The following SLC8A1 variants were observed in gnomAD, a reference collection of about 807,000 sequenced individuals.
The protein encoded by SLC8A1 is sodium/calcium exchanger 1.
SLC8A1 carries 18 observed loss-of-function variants against 68.3 expected under a neutral mutation model. The observed-to-expected ratio is 0.26, with a 90% CI of 0.18 to 0.39. SLC8A1 has a LOEUF of 0.39. Among genes scored for constraint, SLC8A1 ranks in the 10% least tolerant of loss-of-function variants. The pLI is 1.00. For synonymous variants in SLC8A1, 475 were observed against 415.5 expected (o/e 1.14, Z -1.74); for missense variants, 985 against 1,156.7 (o/e 0.85, Z 2.15).
chr2:40,134,447 T>C (rs529736839), intron 7 of SLC8A1, among the ~76,000 whole-genome samples: 1 of 152,150 alleles, frequency 6.6e-6, no homozygotes, highest in African/African-American at 2.4e-5. Context: ...GAAGGGATCA[T>C]AGAAGAGAAA....
intron 2 of SLC8A1, among the ~76,000 whole-genome samples, chr2:40,355,338 A>C (rs994334750): frequency 6.6e-6 from 1 of 152,150 alleles, no homozygotes; most frequent in African/African-American, 2.4e-5. Flanking sequence ...ACTCATCTGT[A>C]AAGTGGGGTA....
chr2:40,262,834 T>C (rs1237499477), intron 2 of SLC8A1, among the ~76,000 whole-genome samples: 1 of 152,194 alleles, frequency 6.6e-6, no homozygotes, highest in East Asian at 1.9e-4. Flanking sequence ...TGCTAAAATT[T>C]GGATCATATT....
chr2:40,351,649 A>G (rs1671133521), intron 2 of SLC8A1, among the ~76,000 whole-genome samples: 1 of 152,182 alleles, frequency 6.6e-6, no homozygotes, highest in African/African-American at 2.4e-5. Context: ...CAGACCAAGA[A>G]CTCACAAACA....
At chr2:40,348,523 C>T (rs569587567) in intron 2 of SLC8A1, among the ~76,000 whole-genome samples, 50 of 152,262 alleles carry the variant, frequency 3.3e-4, no homozygotes, top group African/African-American at 8.7e-4. Context: ...GATAAATCTG[C>T]GCAAGAAACA....
intron 2 of SLC8A1, among the ~76,000 whole-genome samples, chr2:40,344,033 G>C (rs1039642211): frequency 6.6e-6 from 1 of 152,128 alleles, no homozygotes; most frequent in Non-Finnish European, 1.5e-5. Flanking sequence ...GTGTACGATG[G>C]CAATATAATG....
intron 2 of SLC8A1, among the ~76,000 whole-genome samples, chr2:40,414,559 T>C (rs6705173): frequency 0.16 from 23,975 of 152,190 alleles, 2,043 homozygotes; most frequent in Middle Eastern, 0.25. Context: ...TCTTCAATGT[T>C]CTTGCCTTGA....
intron 2 of SLC8A1, among the ~76,000 whole-genome samples, chr2:40,211,509 T>C (rs1574113655): frequency 1.3e-5 from 2 of 152,308 alleles, no homozygotes; most frequent in East Asian, 1.9e-4. Context: ...CTTGGAGGCA[T>C]GCTAAGTGGT....
chr2:40,212,530 G>T (rs1331229624), intron 2 of SLC8A1, among the ~76,000 whole-genome samples: 1 of 152,042 alleles, frequency 6.6e-6, no homozygotes, highest in Non-Finnish European at 1.5e-5. Context: ...CAACGTGTCT[G>T]TGTGGTCCTC....
At chr2:40,195,210 A>G (rs948451767) in intron 2 of SLC8A1, among the ~76,000 whole-genome samples, 3 of 152,116 alleles carry the variant, frequency 2.0e-5, no homozygotes, top group Non-Finnish European at 4.4e-5. Context: ...GGAATCTAGT[A>G]GTTTACTGCT....
chr2:40,495,791 G>A (rs1271710949), intron 1 of SLC8A1, among the ~76,000 whole-genome samples: 1 of 151,990 alleles, frequency 6.6e-6, no homozygotes, highest in Non-Finnish European at 1.5e-5. Context: ...TCAGGATTCT[G>A]AGTACTGTAG....
rs1338051657 is a variant in SLC8A1, at chr2:40,340,569, G to A, written c.1808+87904C>T. On this transcript the variant is annotated intron_variant, in intron 2 of 7. Coordinates refer to ENST00000406785, the Ensembl canonical transcript of SLC8A1. ...GAGTGAGACTCCTTCTTAAAAAGAAGAAGAAGGGAGAAAGGGAGTTGGGGG... is the reference window on the plus strand; with the variant it reads ...GAGTGAGACTCCTTCTTAAAAAGAAAAAGAAGGGAGAAAGGGAGTTGGGGG... Among the ~76,000 whole-genome samples, 4 of 152,240 alleles carry A rather than the reference G, an allele frequency of 2.6e-5. No individual in the cohort carries two copies. The East Asian group carries it at 7.7e-4, about 29-fold the overall frequency.
exon 2 of SLC8A1, chr2:40,430,077 G>A: frequency 6.2e-7 from 1 of 1,613,868 alleles, no homozygotes; most frequent in Non-Finnish European, 8.5e-7. Context: ...CAAAAGAAGG[G>A]TCTTGGGGTT....
rs1289798144 is a variant in SLC8A1, at chr2:40,261,802, T to A, written c.1809-83947A>T. Among the ~76,000 whole-genome samples the A allele has an allele frequency of 5.3e-5, 8 of 152,310 alleles. No individual in the cohort carries two copies. The East Asian group carries it at 1.5e-3, about 29-fold the overall frequency. ...TGAACATTTTCCTTCGCATGTCTTT[T>A]TAAGAGAAAGAGAAAATGATGATGG... On this transcript the variant is annotated intron_variant, in intron 2 of 7. Coordinates refer to ENST00000406785, the Ensembl canonical transcript of SLC8A1.
At chr2:40,159,747 A>T (rs557722582) in intron 6 of SLC8A1, among the ~76,000 whole-genome samples, 1 of 152,278 alleles carries the variant, frequency 6.6e-6, no homozygotes, top group South Asian at 2.1e-4. Context: ...TATATATTCA[A>T]TTGCAAAAAA....
At chr2:40,238,206 C>A (rs1040905737) in intron 2 of SLC8A1, among the ~76,000 whole-genome samples, 53 of 151,886 alleles carry the variant, frequency 3.5e-4, no homozygotes, top group African/African-American at 1.1e-3. Flanking sequence ...CCCCCAGCCT[C>A]GCTGCCGCCT....
At chr2:40,134,272 A>G (rs2040061052) in intron 7 of SLC8A1, among the ~76,000 whole-genome samples, 1 of 151,952 alleles carries the variant, frequency 6.6e-6, no homozygotes, top group African/African-American at 2.4e-5. Flanking sequence ...TTGTATTTTT[A>G]GTAGAGACAG....
intron 2 of SLC8A1, among the ~76,000 whole-genome samples, chr2:40,428,095 G>A (rs1697341457): frequency 6.6e-6 from 1 of 152,066 alleles, no homozygotes; most frequent in South Asian, 2.1e-4. Context: ...CTATTGTGAT[G>A]TTTTAAATAT....
intron 2 of SLC8A1, chr2:40,177,896 T>C (rs1366460266): frequency 7.8e-7 from 1 of 1,284,976 alleles, no homozygotes; most frequent in Non-Finnish European, 1.1e-6. Flanking sequence ...ATGGTTGGAG[T>C]CACACGCTCA....
At chr2:40,365,593 T>C (rs1355393589) in intron 2 of SLC8A1, among the ~76,000 whole-genome samples, 1 of 152,120 alleles carries the variant, frequency 6.6e-6, no homozygotes, top group African/African-American at 2.4e-5. Flanking sequence ...TCAGAAATAT[T>C]GCTTCTTGTG....
Sources: allele counts gnomAD v4.1 joint callset (sites outside exome capture counted in the v4.1 genomes callset), GRCh38; gene constraint gnomAD v4.1.1; transcripts MANE v1.5; gene names NCBI Gene and HGNC (gene_info 2026-07-23, HGNC 2026-07-21).